USP3: variants seen among roughly 807,000 people sequenced by gnomAD.
USP3 encodes ubiquitin carboxyl-terminal hydrolase 3.
USP3 carries 20 observed loss-of-function variants against 72.3 expected under a neutral mutation model. The ratio of observed to expected loss-of-function variants is 0.28; its 90% confidence interval spans 0.19 to 0.40. The LOEUF (loss-of-function observed/expected upper bound fraction) is 0.40. Ranked by LOEUF, USP3 falls within the 10% of genes least tolerant of loss-of-function variation. The pLI is 1.00. For synonymous variants in USP3, 222 were observed against 225.3 expected (o/e 0.99, Z 0.13); for missense variants, 479 against 633.9 (o/e 0.76, Z 2.62).
chr15:63,588,525 T>G lies in USP3; in HGVS notation c.1215+102T>G, dbSNP rs2067120565. 5.8e-6 allele frequency: 6 copies of G among 1,036,324 alleles called. No individual in the cohort carries two copies. Among genetic ancestry groups the G allele is most frequent in the Non-Finnish European group, 8.6e-6 (6 of 694,182 alleles). The allele number at this position is 1,036,324 out of a possible 1,614,324, so 64.2% of individuals were successfully genotyped here. A position where few individuals can be genotyped will look rare whatever the true frequency, so the allele number is the denominator to read the frequency against. ...ACACTATGTGAACTGTTCTGTATTT[T>G]TCTCTAGGATTTTCAGTAAAAGCTA... On this transcript the variant is annotated intron_variant, in intron 12 of 14. Transcript: ENST00000380324. The surrounding 1 kb of genome is among the most constrained non-coding windows in gnomAD (Gnocchi z 4.6).
At chr15:63,532,342 G>C (rs1300196652) in intron 1 of USP3, among the ~76,000 whole-genome samples, 4 of 152,166 alleles carry the variant, frequency 2.6e-5, no homozygotes, top group Non-Finnish European at 4.4e-5. Flanking sequence ...TCGTTAACTT[G>C]TCAGAGACTG....
At chr15:63,524,296 C>T (rs974391633) in intron 1 of USP3, among the ~76,000 whole-genome samples, 2 of 152,134 alleles carry the variant, frequency 1.3e-5, no homozygotes, top group African/African-American at 4.8e-5. Context: ...TGGGTAAAAC[C>T]TTCTGAAGTT....
chr15:63,533,744 C>T (rs1305921227), intron 2 of USP3: 1 of 736,974 alleles, frequency 1.4e-6, no homozygotes, highest in Non-Finnish European at 1.9e-6. Flanking sequence ...TTAAGAGTAC[C>T]TTTGGAAAAT....
At chr15:63,520,586 T>A (rs2065907838) in intron 1 of USP3, among the ~76,000 whole-genome samples, 1 of 108,314 alleles carries the variant, frequency 9.2e-6, no homozygotes, top group African/African-American at 3.8e-5. Context: ...TTTTTTGAGA[T>A]GGAGTTTTGC....
At chr15:63,515,949 CTTAA>C (rs2065845291) in intron 1 of USP3, among the ~76,000 whole-genome samples, 2 of 152,138 alleles carry the variant, frequency 1.3e-5, no homozygotes, top group Admixed American at 6.5e-5. Flanking sequence ...TCTGTTATTT[CTTAA>C]TTTGTCATTT....
chr15:63,545,939 C>G (rs901451745), intron 3 of USP3, among the ~76,000 whole-genome samples: 1 of 125,824 alleles, frequency 7.9e-6, no homozygotes, highest in Non-Finnish European at 1.6e-5. Flanking sequence ...CCATTGCACT[C>G]CAGCCTGGGT....
intron 14 of USP3, 58 bp from the exon 15 acceptor site, chr15:63,590,603 T>C: frequency 7.0e-7 from 1 of 1,437,576 alleles, no homozygotes; most frequent in Non-Finnish European, 9.3e-7. Context: ...TATATAGTTG[T>C]ACAGGTCTTT....
intron 6 of USP3, among the ~76,000 whole-genome samples, chr15:63,558,473 C>G (rs1274471319): frequency 6.6e-6 from 1 of 152,102 alleles, no homozygotes; most frequent in Non-Finnish European, 1.5e-5. Context: ...TAGGCTAGAA[C>G]TGAGGTCAGC....
chr15:63,586,730 T>C (rs2152684022), intron 11 of USP3: 1 of 152,322 alleles, frequency 6.6e-6, no homozygotes, highest in Middle Eastern at 3.4e-3. Context: ...CCAGGAACCA[T>C]CACTGACATA....
chr15:63,551,785 T>G (rs1351666764), intron 3 of USP3: 1 of 152,202 alleles, frequency 6.6e-6, no homozygotes, highest in Non-Finnish European at 1.5e-5. Context: ...ATTCCTCAGT[T>G]GCAGTAGCCA....
At chr15:63,559,370 G>C (rs2066566839) in intron 6 of USP3, among the ~76,000 whole-genome samples, 1 of 152,200 alleles carries the variant, frequency 6.6e-6, no homozygotes, top group Non-Finnish European at 1.5e-5. Flanking sequence ...AGAAGCAGAA[G>C]GCATATTTGA....
chr15:63,543,419 G>A (rs772375446), intron 3 of USP3, among the ~76,000 whole-genome samples: 2 of 152,276 alleles, frequency 1.3e-5, no homozygotes, highest in Admixed American at 6.5e-5. Context: ...TGGGAAGAGC[G>A]TTTAGAACAC....
intron 1 of USP3, among the ~76,000 whole-genome samples, chr15:63,507,378 T>G (rs2065726996): frequency 6.6e-6 from 1 of 152,216 alleles, no homozygotes; most frequent in African/African-American, 2.4e-5. Context: ...AGTATCAGTT[T>G]CCTTATATAA....
At chr15:63,549,941 C>T (rs1355766231) in intron 3 of USP3, among the ~76,000 whole-genome samples, 3 of 152,208 alleles carry the variant, frequency 2.0e-5, no homozygotes, top group Non-Finnish European at 4.4e-5. Context: ...ATTAAATTCA[C>T]TGTCTTCTAT....
Position 63,588,359 on chromosome 15 carries a change from T to C in USP3, c.1151T>C (p.Met384Thr). The C allele has an allele frequency of 6.2e-7, 1 of 1,608,344 alleles. No individual in the cohort carries two copies. Among genetic ancestry groups the C allele is most frequent in the Non-Finnish European group, 8.5e-7 (1 of 1,178,562 alleles). Reference protein sequence around the residue: ...LEELDETELYMCHKCKKKQKS... With the variant: ...LEELDETELYTCHKCKKKQKS... ...GAACTTGATGAGACAGAGTTATATA[T>C]GTGCCATAAATGCAAAAAGAAACAA... The change falls in exon 12 of 15, where the codon ATG becomes ACG. Residue 384 changes from methionine (M) to threonine (T), a missense_variant. Coordinates refer to ENST00000380324, the MANE Select transcript of USP3 (RefSeq NM_006537.4). The surrounding 1 kb of genome is among the most constrained non-coding windows in gnomAD (Gnocchi z 4.6).
chr15:63,569,134 G>C (rs2066740412), intron 8 of USP3, among the ~76,000 whole-genome samples: 1 of 152,082 alleles, frequency 6.6e-6, no homozygotes, highest in African/African-American at 2.4e-5. Flanking sequence ...GTAAGTGATA[G>C]AATTTCAGAT....
Position 63,558,719 on chromosome 15 carries a change from A to G in USP3, c.533+531A>G, listed in dbSNP as rs541170321. On this transcript the variant is annotated intron_variant, in intron 6 of 14. Transcript: ENST00000380324. ...GTGAAACCCCATCTCTACTAAAAATACAAAAATTAGCTGGGCGTGGTGGCA... is the reference window on the plus strand; with the variant it reads ...GTGAAACCCCATCTCTACTAAAAATGCAAAAATTAGCTGGGCGTGGTGGCA... Among the ~76,000 whole-genome samples the G allele has an allele frequency of 2.8e-4, 42 of 152,102 alleles. 1 individual carries two copies. The South Asian group carries it at 8.7e-3, about 32-fold the overall frequency.
In USP3 at chr15:63,568,068, T is replaced by C. The variant is rs540566401; in HGVS notation, c.762-2365T>C. Among the ~76,000 whole-genome samples the C allele has an allele frequency of 2.0e-5, 3 of 152,138 alleles. 1 individual carries two copies. Among genetic ancestry groups the C allele is most frequent in the African/African-American group, 7.2e-5 (3 of 41,528 alleles). ...AGGAACAGTGTTAAAATTGGAGCCATAGTTGGCTGGGTATGGTGGCTCATG... is the reference window on the plus strand; with the variant it reads ...AGGAACAGTGTTAAAATTGGAGCCACAGTTGGCTGGGTATGGTGGCTCATG... On this transcript the variant is annotated intron_variant, in intron 8 of 14. Coordinates refer to ENST00000380324, the MANE Select transcript of USP3 (RefSeq NM_006537.4).
At chr15:63,547,761 GGAGAGAGA>G (rs1180675814) in intron 3 of USP3, among the ~76,000 whole-genome samples, 4 of 4,464 alleles carry the variant, frequency 9.0e-4, no homozygotes, top group East Asian at 3.7e-3. Context: ...AGGGAGGGAG[GGAGAGAGA>G]GAGAGAGAGA....
Sources: gnomAD v4.1 joint callset for allele counts (sites outside exome capture counted in the v4.1 genomes callset) on GRCh38, gnomAD v4.1.1 for gene constraint, Gnocchi (gnomAD v3.1) non-coding constraint, MANE v1.5 for transcripts, NCBI Gene and HGNC (gene_info 2026-07-23, HGNC 2026-07-21) for gene names.